Variants in RAPGEF4 observed in about 807,000 individuals in gnomAD.
The protein encoded by RAPGEF4 is Rap guanine nucleotide exchange factor 4.
RAPGEF4 carries 66 observed loss-of-function variants against 147.9 expected under a neutral mutation model. The observed-to-expected ratio is 0.45, with a 90% CI of 0.37 to 0.55. The LOEUF (loss-of-function observed/expected upper bound fraction) is 0.55. Ranked by LOEUF, RAPGEF4 falls within the 20% of genes least tolerant of loss-of-function variation. The pLI, the probability that RAPGEF4 is intolerant of heterozygous loss-of-function variation, is 0.00. For missense variants in RAPGEF4, 1,071 were observed against 1,257.3 expected (o/e 0.85, Z 2.24); for synonymous variants, 419 against 442.7 (o/e 0.95, Z 0.67).
chr2:172,875,567 G>T (rs182164612), intron 4 of RAPGEF4, among the ~76,000 whole-genome samples: 106 of 152,188 alleles, frequency 7.0e-4, no homozygotes, highest in Non-Finnish European at 1.4e-3. Flanking sequence ...TAGATGTGTG[G>T]TATTATTTCG....
chr2:172,857,916 A>G, intron 4 of RAPGEF4, among the ~76,000 whole-genome samples: 4 of 34,638 alleles, frequency 1.2e-4, no homozygotes, highest in African/African-American at 2.0e-4. Context: ...AAAAAAAAAA[A>G]AAAAAAAAAA....
At chr2:172,736,174 G>T (rs1338738456) in intron 1 of RAPGEF4, 126 bp downstream of exon 1, 5 of 653,382 alleles carry the variant, frequency 7.7e-6, no homozygotes, top group Non-Finnish European at 1.1e-5. Flanking sequence ...CCCGAGCGGG[G>T]GAAGGGGTTG....
intron 17 of RAPGEF4, among the ~76,000 whole-genome samples, chr2:173,008,011 A>T (rs1025513452): frequency 4.6e-5 from 7 of 152,034 alleles, no homozygotes; most frequent in African/African-American, 1.7e-4. Flanking sequence ...TGTAATCTGA[A>T]TTTTAATCCC....
intron 22 of RAPGEF4, among the ~76,000 whole-genome samples, chr2:173,019,581 T>A (rs1695850611): frequency 6.6e-6 from 1 of 152,254 alleles, no homozygotes; most frequent in South Asian, 2.1e-4. Context: ...TTTGGCGGAA[T>A]CCTTCAGGAA....
At chr2:172,841,501 C>T (rs1435410984) in intron 4 of RAPGEF4, among the ~76,000 whole-genome samples, 2 of 152,126 alleles carry the variant, frequency 1.3e-5, no homozygotes, top group East Asian at 3.9e-4. Flanking sequence ...AATGCACACA[C>T]ACACTTACAA....
intron 6 of RAPGEF4, among the ~76,000 whole-genome samples, chr2:172,944,940 G>T (rs1481190322): frequency 6.6e-6 from 1 of 152,070 alleles, no homozygotes; most frequent in East Asian, 1.9e-4. Flanking sequence ...GGTTTCTAAA[G>T]TATGCGTGAG....
At chr2:172,819,643 T>C (rs1304498579) in intron 4 of RAPGEF4, among the ~76,000 whole-genome samples, 2,176 of 124,340 alleles carry the variant, frequency 0.018, no homozygotes, top group South Asian at 0.018. Context: ...TTTTTTGTAT[T>C]TTTAGTAGAG....
At chr2:173,015,784 A>G (rs1397406725) in intron 18 of RAPGEF4, among the ~76,000 whole-genome samples, 2 of 152,208 alleles carry the variant, frequency 1.3e-5, no homozygotes, top group African/African-American at 2.4e-5. Context: ...CAAACTCATC[A>G]TAAATTCGCT....
intron 8 of RAPGEF4, among the ~76,000 whole-genome samples, chr2:172,964,208 C>T (rs565822725): frequency 7.9e-5 from 12 of 151,814 alleles, no homozygotes; most frequent in Non-Finnish European, 8.8e-5. Flanking sequence ...CTCTAATGTG[C>T]GGGTATAGAC....
At chr2:172,855,350 T>A (rs1468909993) in intron 4 of RAPGEF4, among the ~76,000 whole-genome samples, 1 of 152,218 alleles carries the variant, frequency 6.6e-6, no homozygotes, top group Non-Finnish European at 1.5e-5. Flanking sequence ...CCCAATGCTT[T>A]ATGTTATTGT....
intron 3 of RAPGEF4, among the ~76,000 whole-genome samples, chr2:172,798,671 G>C (rs781061584): frequency 1.9e-5 from 2 of 106,226 alleles, no homozygotes; most frequent in Non-Finnish European, 4.3e-5. Context: ...CTTCAAATGT[G>C]AGAAACATTT....
At position 172,955,908 on chromosome 2, in the gene RAPGEF4, G is replaced by A. The variant is rs149719510; in HGVS notation, c.538-4852G>A. Among the ~76,000 whole-genome samples, 165 of 152,254 alleles carry A rather than the reference G, an allele frequency of 1.1e-3. 2 individuals carry two copies. The East Asian group carries it at 0.023, about 22-fold the overall frequency. ...TATGGGTCCTGGGGCTGCTGCTCTC[G>A]GATCAACTCTTTGCCCTTTGGTTCT... On this transcript the variant is annotated intron_variant, in intron 6 of 30. Coordinates refer to ENST00000397081, the MANE Select transcript of RAPGEF4 (RefSeq NM_007023.4).
chr2:172,794,298 G>A (rs1686132128), intron 1 of RAPGEF4, among the ~76,000 whole-genome samples: 1 of 132,470 alleles, frequency 7.5e-6, no homozygotes, highest in African/African-American at 2.9e-5. Context: ...AGTGAGCCAA[G>A]ATCATGCCAT....
At chr2:173,050,496 G>A (rs1686056248) in intron 30 of RAPGEF4, among the ~76,000 whole-genome samples, 2 of 152,130 alleles carry the variant, frequency 1.3e-5, no homozygotes, top group African/African-American at 4.8e-5. Flanking sequence ...TGGGAGTGCT[G>A]TGTGGATCTA....
intron 16 of RAPGEF4, among the ~76,000 whole-genome samples, chr2:173,000,224 A>T (rs1211979824): frequency 6.6e-6 from 1 of 152,234 alleles, no homozygotes; most frequent in African/African-American, 2.4e-5. Context: ...TATTACACTC[A>T]TCAGTTATAT....
At chr2:172,747,477 T>A (rs1256837150) in intron 1 of RAPGEF4, among the ~76,000 whole-genome samples, 2 of 152,216 alleles carry the variant, frequency 1.3e-5, no homozygotes, top group African/African-American at 2.4e-5. Context: ...ATTTTAATTT[T>A]ATTTTTTGAG....
At chr2:172,817,073 T>C (rs949120127) in intron 4 of RAPGEF4, among the ~76,000 whole-genome samples, 3 of 152,204 alleles carry the variant, frequency 2.0e-5, no homozygotes, top group African/African-American at 4.8e-5. Flanking sequence ...ATAAAAAAGA[T>C]TGAATTCTGT....
chr2:172,908,887 CA>C (rs144058235), intron 4 of RAPGEF4, among the ~76,000 whole-genome samples: 2,198 of 152,198 alleles, frequency 0.014, 50 homozygotes, highest in East Asian at 0.11. Context: ...AACTGATTAG[CA>C]GTAAGGAGCC....
intron 4 of RAPGEF4, among the ~76,000 whole-genome samples, chr2:172,915,075 T>A (rs941786019): frequency 2.6e-4 from 39 of 152,326 alleles, no homozygotes; most frequent in African/African-American, 9.4e-4. Context: ...TAAGAATGAA[T>A]CTCCCAGGTT....
Sources: gnomAD v4.1 joint callset for allele counts (sites outside exome capture counted in the v4.1 genomes callset) on GRCh38, gnomAD v4.1.1 for gene constraint, MANE v1.5 for transcripts, NCBI Gene and HGNC (gene_info 2026-07-23, HGNC 2026-07-21) for gene names.